The following NEK11 variants were observed in gnomAD, a reference collection of about 807,000 sequenced individuals.
NEK11 encodes NIMA related kinase 11, also known as serine/threonine-protein kinase Nek11.
NEK11 carries 72 observed loss-of-function variants against 80.7 expected under a neutral mutation model. That is an observed-to-expected ratio of 0.89 (90% CI 0.74 to 1.08). NEK11 has a LOEUF of 1.08. Among genes scored for constraint, NEK11 ranks in the 50% least tolerant of loss-of-function variants. NEK11 has a pLI of 0.00. For missense variants in NEK11, 764 were observed against 763.6 expected (o/e 1.00, Z -0.01); for synonymous variants, 251 against 260.7 (o/e 0.96, Z 0.36).
intron 4 of NEK11, among the ~76,000 whole-genome samples, chr3:131,081,792 A>G (rs575471962): frequency 1.3e-5 from 2 of 152,248 alleles, no homozygotes; most frequent in South Asian, 4.2e-4. Context: ...GAAACTTTGG[A>G]CAACTCGACC....
intron 17 of NEK11, among the ~76,000 whole-genome samples, chr3:131,337,382 G>A (rs1018993286): frequency 3.0e-4 from 45 of 151,478 alleles, no homozygotes; most frequent in African/African-American, 6.3e-4. Context: ...ACCAAACACC[G>A]CATGTTCTCA....
At chr3:131,203,739 A>G (rs191644574) in intron 14 of NEK11, among the ~76,000 whole-genome samples, 10,691 of 75,686 alleles carry the variant, frequency 0.14, 877 homozygotes, top group Admixed American at 0.17. Context: ...ATATATGTGT[A>G]TATATATATG....
At chr3:131,093,950 C>T (rs188173927) in intron 4 of NEK11, among the ~76,000 whole-genome samples, 6 of 149,760 alleles carry the variant, frequency 4.0e-5, no homozygotes, top group Non-Finnish European at 8.9e-5. Flanking sequence ...CAGAGGAGAA[C>T]AGTCTTGACC....
chr3:131,134,651 A>G (rs1262978388), intron 7 of NEK11, among the ~76,000 whole-genome samples: 8 of 152,228 alleles, frequency 5.3e-5, no homozygotes, highest in African/African-American at 1.9e-4. Context: ...TGCCTGCCTC[A>G]GCCTCCCAAA....
At position 131,074,077 on chromosome 3, in the gene NEK11, C is replaced by G. The variant is rs575483792; in HGVS notation, c.171-6346C>G. ...AAGCTCCAACTGCCCTCAGTGATAA[C>G]TGTCTTGATGATATACCCTTTCATG... is the stretch of plus-strand genomic sequence containing the variant. On this transcript the variant is annotated intron_variant, in intron 3 of 17. Transcript: ENST00000383366. 4.6e-5 allele frequency among the ~76,000 whole-genome samples: 7 copies of G among 152,276 alleles called. No homozygotes were observed. The East Asian group carries it at 1.3e-3, about 29-fold the overall frequency.
At chr3:131,323,499 C>T (rs2096919472) in intron 17 of NEK11, among the ~76,000 whole-genome samples, 1 of 152,186 alleles carries the variant, frequency 6.6e-6, no homozygotes, top group Non-Finnish European at 1.5e-5. Flanking sequence ...TGTCTCCTTC[C>T]CCCATCTTCC....
chr3:131,315,850 T>C (rs1422736273), intron 17 of NEK11, among the ~76,000 whole-genome samples: 1 of 152,154 alleles, frequency 6.6e-6, no homozygotes, highest in African/African-American at 2.4e-5. Flanking sequence ...GATAATAGCT[T>C]CCAACTCCAT....
chr3:131,334,652 C>T (rs2097151194), intron 17 of NEK11, among the ~76,000 whole-genome samples: 1 of 150,852 alleles, frequency 6.6e-6, no homozygotes, highest in East Asian at 1.9e-4. Context: ...ACACAAAAAA[C>T]CCTTCAAAAA....
chr3:131,109,526 G>A (rs2079731028), intron 4 of NEK11: 3 of 248,122 alleles, frequency 1.2e-5, no homozygotes, highest in African/African-American at 6.7e-5. Context: ...AGGGGTAGGA[G>A]GGTAGGACCA....
At chr3:131,184,956 G>T (rs2093537181) in intron 14 of NEK11, among the ~76,000 whole-genome samples, 1 of 152,100 alleles carries the variant, frequency 6.6e-6, no homozygotes, top group Non-Finnish European at 1.5e-5. Flanking sequence ...TTTAATAGAA[G>T]GGTCACCAGA....
At chr3:131,049,379 C>T (rs773897682) in intron 3 of NEK11, among the ~76,000 whole-genome samples, 7 of 152,170 alleles carry the variant, frequency 4.6e-5, no homozygotes, top group Non-Finnish European at 8.8e-5. Flanking sequence ...GCAGTAGTTA[C>T]GCAGTATATG....
At chr3:131,336,810 G>C (rs2097193122) in intron 17 of NEK11, among the ~76,000 whole-genome samples, 1 of 152,126 alleles carries the variant, frequency 6.6e-6, no homozygotes, top group Admixed American at 6.5e-5. Context: ...TGAAGGACAT[G>C]AACAGACACT....
At chr3:131,305,539 G>T (rs2109294018) in intron 17 of NEK11, among the ~76,000 whole-genome samples, 1 of 152,298 alleles carries the variant, frequency 6.6e-6, no homozygotes. Flanking sequence ...TCCTAAAGGA[G>T]CATGGTGAGC....
intron 5 of NEK11, among the ~76,000 whole-genome samples, chr3:131,129,797 AT>A (rs577658713): frequency 5.3e-5 from 8 of 151,594 alleles, no homozygotes; most frequent in Non-Finnish European, 1.2e-4. Flanking sequence ...TGTTTTATTG[AT>A]TTTTTTTCTC....
chr3:131,243,523 A>G (rs923259191), intron 16 of NEK11, 27 bp downstream of exon 16: 2 of 1,562,436 alleles, frequency 1.3e-6, no homozygotes, highest in Admixed American at 1.7e-5. Flanking sequence ...AGGCTTCAAA[A>G]TACATTGACA....
At chr3:131,292,054 C>T (rs1418242471) in intron 17 of NEK11, among the ~76,000 whole-genome samples, 1 of 152,150 alleles carries the variant, frequency 6.6e-6, no homozygotes, top group African/African-American at 2.4e-5. Context: ...TAGTCTTGCA[C>T]TTTACATTTA....
intron 16 of NEK11, among the ~76,000 whole-genome samples, chr3:131,246,678 A>G (rs529110423): frequency 3.9e-5 from 6 of 152,208 alleles, no homozygotes; most frequent in African/African-American, 1.2e-4. Flanking sequence ...AGTCCTTTAA[A>G]TAATTTTCAT....
chr3:131,164,633 C>T (rs1478384300), intron 11 of NEK11, among the ~76,000 whole-genome samples: 2 of 152,162 alleles, frequency 1.3e-5, no homozygotes, highest in Admixed American at 6.5e-5. Flanking sequence ...AAAGAAGTCA[C>T]ATATCTTTCA....
intron 16 of NEK11, among the ~76,000 whole-genome samples, chr3:131,258,995 A>G (rs1462329481): frequency 6.6e-6 from 1 of 152,170 alleles, no homozygotes; most frequent in Non-Finnish European, 1.5e-5. Flanking sequence ...ACCTTTATAT[A>G]TAAGTTTAAT....
Sources: gnomAD v4.1 joint callset for allele counts (sites outside exome capture counted in the v4.1 genomes callset) on GRCh38, gnomAD v4.1.1 for gene constraint, MANE v1.5 for transcripts, NCBI Gene and HGNC (gene_info 2026-07-23, HGNC 2026-07-21) for gene names.